PTGER3: variants seen among roughly 807,000 people sequenced by gnomAD.
PTGER3 encodes prostaglandin E2 receptor EP3 subtype.
In PTGER3, 22 loss-of-function variants were observed where a neutral mutation model predicts 34.7. The observed-to-expected ratio is 0.63, with a 90% confidence interval of 0.45 to 0.91. The LOEUF (loss-of-function observed/expected upper bound fraction) is 0.91, where lower values mean the gene tolerates loss of function less well. Among genes scored for constraint, PTGER3 ranks in the 40% least tolerant of loss-of-function variants. The pLI, the probability that PTGER3 is intolerant of heterozygous loss-of-function variation, is 0.00. For synonymous variants in PTGER3, 241 were observed against 230.1 expected (o/e 1.05, Z -0.43); for missense variants, 468 against 519.4 (o/e 0.90, Z 0.96).
chr1:70,920,803 G>A (rs1265655511), intron 4 of PTGER3, among the ~76,000 whole-genome samples: 1 of 152,178 alleles, frequency 6.6e-6, no homozygotes, highest in African/African-American at 2.4e-5. Context: ...TATTTTATTA[G>A]TGACTGTGAA....
chr1:71,030,140 G>A (rs920853905), intron 1 of PTGER3, among the ~76,000 whole-genome samples: 4 of 151,896 alleles, frequency 2.6e-5, no homozygotes, highest in Non-Finnish European at 5.9e-5. Context: ...CTGGGGTAGG[G>A]ATGGAAAAAA....
chr1:70,870,007 C>A (rs1192157088), intron 4 of PTGER3, among the ~76,000 whole-genome samples: 1 of 152,220 alleles, frequency 6.6e-6, no homozygotes, highest in East Asian at 1.9e-4. Flanking sequence ...CATTTCCTCT[C>A]TGCACTACTT....
At chr1:70,951,371 A>C (rs749154179), downstream of PTGER3, 1 of 152,218 alleles carries the variant, frequency 6.6e-6, no homozygotes, top group Non-Finnish European at 1.5e-5. Context: ...TGGTGTAGGA[A>C]AGGTCATGTA....
intron 1 of PTGER3, among the ~76,000 whole-genome samples, chr1:71,015,217 G>A (rs1042692500): frequency 6.6e-6 from 1 of 152,150 alleles, no homozygotes; most frequent in Non-Finnish European, 1.5e-5. Context: ...GTGTGTGTGT[G>A]TGTGTGATAT....
At chr1:71,032,118 C>T (rs940122340) in intron 1 of PTGER3, among the ~76,000 whole-genome samples, 1 of 152,178 alleles carries the variant, frequency 6.6e-6, no homozygotes, top group African/African-American at 2.4e-5. Context: ...ACATAAAACC[C>T]AGACTACAAC....
chr1:70,873,410 C>A (rs542544640), intron 4 of PTGER3, among the ~76,000 whole-genome samples: 32 of 152,236 alleles, frequency 2.1e-4, no homozygotes, highest in African/African-American at 7.7e-4. Flanking sequence ...ATTTTTATTT[C>A]ATGGGCACGG....
chr1:70,946,346 T>A (rs937301635), intron 4 of PTGER3, among the ~76,000 whole-genome samples: 2 of 152,066 alleles, frequency 1.3e-5, no homozygotes, highest in Non-Finnish European at 2.9e-5. Flanking sequence ...ACAAATGAAG[T>A]GGGTCACAGA....
intron 4 of PTGER3, chr1:70,884,182 G>T: frequency 3.6e-6 from 1 of 274,754 alleles, no homozygotes; most frequent in Non-Finnish European, 7.3e-6. Context: ...TATGTGTAAT[G>T]CTGTTGTGTG....
intron 1 of PTGER3, among the ~76,000 whole-genome samples, chr1:71,025,014 C>G (rs1409984639): frequency 6.6e-6 from 1 of 150,968 alleles, no homozygotes; most frequent in Non-Finnish European, 1.5e-5. Context: ...CCCATTAACT[C>G]GTCATTTAAC....
At chr1:70,996,703 G>A (rs547711514) in intron 2 of PTGER3, among the ~76,000 whole-genome samples, 62 of 130,220 alleles carry the variant, frequency 4.8e-4, no homozygotes, top group South Asian at 9.7e-4. Context: ...TCGCTCTGTC[G>A]CGCAGGCTGG....
At chr1:71,021,780 G>C (rs1238873848) in intron 1 of PTGER3, among the ~76,000 whole-genome samples, 14 of 151,710 alleles carry the variant, frequency 9.2e-5, no homozygotes, top group Admixed American at 9.2e-4. Context: ...TGTGTGCAGA[G>C]ATAGTCACCT....
chr1:71,042,224 A>T (rs556731005), intron 1 of PTGER3, among the ~76,000 whole-genome samples: 14 of 150,198 alleles, frequency 9.3e-5, no homozygotes, highest in African/African-American at 3.2e-4. Context: ...TTTCTTGAAC[A>T]TTTTTAAAAC....
At chr1:70,955,409 A>C (rs1651216556) in intron 2 of PTGER3, among the ~76,000 whole-genome samples, 1 of 152,162 alleles carries the variant, frequency 6.6e-6, no homozygotes, top group Non-Finnish European at 1.5e-5. Flanking sequence ...CCTGATTCTT[A>C]TTCCCAAGTA....
At chr1:70,951,340 C>T (rs937066920), downstream of PTGER3, 1 of 152,192 alleles carries the variant, frequency 6.6e-6, no homozygotes, top group Non-Finnish European at 1.5e-5. Context: ...CACTTGTTTG[C>T]TGATTACAAA....
chr1:70,928,467 A>G (rs993652870), intron 4 of PTGER3, among the ~76,000 whole-genome samples: 4 of 151,766 alleles, frequency 2.6e-5, no homozygotes, highest in African/African-American at 9.7e-5. Flanking sequence ...ACCCCCATCT[A>G]TACAAAAAAT....
At chr1:70,926,684 A>G (rs543957481) in intron 4 of PTGER3, among the ~76,000 whole-genome samples, 4 of 151,840 alleles carry the variant, frequency 2.6e-5, no homozygotes, top group Non-Finnish European at 5.9e-5. Context: ...CCTTCTCCTG[A>G]CTAATTGTCC....
At chr1:70,976,513 T>TA (rs958626681) in intron 2 of PTGER3, among the ~76,000 whole-genome samples, 1 of 152,138 alleles carries the variant, frequency 6.6e-6, no homozygotes, top group African/African-American at 2.4e-5. Flanking sequence ...AATTCCATTT[T>TA]AAAAAATTGC....
intron 2 of PTGER3, among the ~76,000 whole-genome samples, chr1:70,981,557 C>T (rs1488352811): frequency 6.6e-6 from 1 of 151,590 alleles, no homozygotes; most frequent in African/African-American, 2.4e-5. Context: ...TACAGGCATG[C>T]ATCACCACAC....
At chr1:71,033,520 T>C (rs1409757568) in intron 1 of PTGER3, among the ~76,000 whole-genome samples, 1 of 152,230 alleles carries the variant, frequency 6.6e-6, no homozygotes, top group Non-Finnish European at 1.5e-5. Context: ...TCCACTAGAA[T>C]GCTAATTCCC....
Sources: gnomAD v4.1 joint callset for allele counts (sites outside exome capture counted in the v4.1 genomes callset) on GRCh38, gnomAD v4.1.1 for gene constraint, MANE v1.5 for transcripts, NCBI Gene and HGNC (gene_info 2026-07-23, HGNC 2026-07-21) for gene names.